Variants in TTC39C observed in about 807,000 individuals in gnomAD.
TTC39C encodes the protein tetratricopeptide repeat domain 39C, also known as tetratricopeptide repeat protein 39C.
TTC39C carries 33 observed loss-of-function variants against 76.3 expected under a neutral mutation model. The observed-to-expected ratio is 0.43, with a 90% CI of 0.33 to 0.58. TTC39C has a LOEUF of 0.58. TTC39C is among the 20% of genes least tolerant of loss of function. TTC39C has a pLI of 0.04. For synonymous variants in TTC39C, 254 were observed against 260.6 expected (o/e 0.97, Z 0.24); for missense variants, 595 against 701.4 (o/e 0.85, Z 1.71).
At chr18:24,066,236 A>G in intron 3 of TTC39C, 96 bp downstream of exon 3, 1 of 1,446,356 alleles carries the variant, frequency 6.9e-7, no homozygotes. Flanking sequence ...TGGTTTTAGT[A>G]TTTAGAATAT....
chr18:23,999,561 G>T (rs1599220509), intron 1 of TTC39C, among the ~76,000 whole-genome samples: 2 of 152,188 alleles, frequency 1.3e-5, no homozygotes, highest in African/African-American at 2.4e-5. Flanking sequence ...TAGCCAGGGG[G>T]CAAGAAGCTT....
chr18:24,062,158 C>T (rs936432173), intron 1 of TTC39C, among the ~76,000 whole-genome samples: 2 of 152,180 alleles, frequency 1.3e-5, no homozygotes, highest in South Asian at 4.1e-4. Flanking sequence ...GGTTAGGTAC[C>T]ATGAATAATT....
chr18:24,128,099 T>A (rs1300438001), intron 10 of TTC39C, among the ~76,000 whole-genome samples: 1 of 152,158 alleles, frequency 6.6e-6, no homozygotes, highest in Non-Finnish European at 1.5e-5. Flanking sequence ...AGAAGGAATT[T>A]TTTGTTTGTT....
intron 1 of TTC39C, among the ~76,000 whole-genome samples, chr18:24,034,359 C>G (rs1337144161): frequency 6.6e-6 from 1 of 152,180 alleles, no homozygotes; most frequent in Non-Finnish European, 1.5e-5. Context: ...AAGGAAATCC[C>G]TTTAATGCTC....
intron 6 of TTC39C, among the ~76,000 whole-genome samples, chr18:24,106,916 C>G (rs2084751102): frequency 6.6e-6 from 1 of 152,168 alleles, no homozygotes; most frequent in Non-Finnish European, 1.5e-5. Context: ...AACTCCTGAC[C>G]TCAAGTGATC....
At position 24,066,148 on chromosome 18, in the gene TTC39C, T is replaced by G; in HGVS notation, c.345+8T>G. ...AATAAAATTAAGAAGAACGTAAGTA[T>G]TGCGGCTTTAGGTTGTGGACTGTGT... On this transcript the variant is annotated splice_region_variant and intron_variant, in intron 3 of 13. Coordinates refer to ENST00000317571, the MANE Select transcript of TTC39C (RefSeq NM_001135993.2). 6.3e-7 allele frequency: 1 copy of G among 1,595,102 alleles called. No individual in the cohort carries two copies. The highest frequency in any genetic ancestry group is 1.2e-5 in the South Asian group (1 of 86,522).
chr18:24,116,828 T>TG (rs1180738036), intron 7 of TTC39C, among the ~76,000 whole-genome samples: 44 of 145,992 alleles, frequency 3.0e-4, no homozygotes, highest in Admixed American at 2.4e-3. Flanking sequence ...AGTTTTTTTT[T>TG]TTTTTTTTTT....
At chr18:24,061,397 A>G (rs1214908755) in intron 1 of TTC39C, among the ~76,000 whole-genome samples, 2 of 151,936 alleles carry the variant, frequency 1.3e-5, no homozygotes, top group Admixed American at 6.6e-5. Flanking sequence ...GGTTCCAAAT[A>G]TGAGGAGTAA....
intron 6 of TTC39C, among the ~76,000 whole-genome samples, chr18:24,102,341 A>G (rs2084687300): frequency 6.6e-6 from 1 of 152,202 alleles, no homozygotes. Flanking sequence ...ATTCACGTGG[A>G]GATGCTGAAA....
chr18:24,019,894 C>T, intron 1 of TTC39C: 1 of 1,526,968 alleles, frequency 6.5e-7, no homozygotes, highest in African/African-American at 1.4e-5. Context: ...AACCTCAGCG[C>T]TTCCTGGAGA....
At chr18:23,994,837 C>CA (rs576366333) in intron 1 of TTC39C, among the ~76,000 whole-genome samples, 13 of 152,246 alleles carry the variant, frequency 8.5e-5, no homozygotes, top group African/African-American at 3.1e-4. Context: ...GCGTGAACTC[C>CA]ACCCTCAGAG....
intron 5 of TTC39C, 45 bp downstream of exon 5, chr18:24,080,984 AAAGT>A (rs748600101): frequency 5.3e-6 from 8 of 1,501,624 alleles, no homozygotes; most frequent in Non-Finnish European, 7.2e-6. Flanking sequence ...TATAGTGTTG[AAAGT>A]AAGTAAACGA....
At chr18:24,089,597 C>T (rs1568433454) in intron 6 of TTC39C, among the ~76,000 whole-genome samples, 1 of 152,004 alleles carries the variant, frequency 6.6e-6, no homozygotes, top group African/African-American at 2.4e-5. Context: ...TGTTAGTAAC[C>T]CCACTACACT....
At chr18:24,070,156 G>A (rs1028716457) in intron 4 of TTC39C, among the ~76,000 whole-genome samples, 51 of 151,948 alleles carry the variant, frequency 3.4e-4, no homozygotes, top group Admixed American at 2.0e-4. Flanking sequence ...TCGTACGAAC[G>A]ATGCTTGGCT....
At chr18:24,082,510 A>G (rs1443023956) in intron 5 of TTC39C, among the ~76,000 whole-genome samples, 1 of 152,220 alleles carries the variant, frequency 6.6e-6, no homozygotes, top group African/African-American at 2.4e-5. Flanking sequence ...TTTGCCAAAA[A>G]TAAATAAATA....
intron 1 of TTC39C, chr18:24,016,567 C>CT: frequency 2.5e-6 from 1 of 397,014 alleles, no homozygotes. Context: ...TTTTAATGGT[C>CT]TTTTTTAACC....
intron 6 of TTC39C, among the ~76,000 whole-genome samples, chr18:24,097,527 G>A (rs1013215440): frequency 1.3e-5 from 2 of 152,118 alleles, no homozygotes; most frequent in African/African-American, 4.8e-5. Flanking sequence ...CATCTTTTTT[G>A]GTCAGAATGG....
At chr18:24,019,785 A>G in intron 1 of TTC39C, 1 of 1,211,502 alleles carries the variant, frequency 8.3e-7, no homozygotes, top group African/African-American at 1.6e-5. Context: ...TGTGCACTAC[A>G]CCTGCAGAAA....
intron 6 of TTC39C, among the ~76,000 whole-genome samples, chr18:24,099,572 A>G (rs2084651870): frequency 6.6e-6 from 1 of 152,030 alleles, no homozygotes; most frequent in Non-Finnish European, 1.5e-5. Context: ...AAATGTGAAT[A>G]TAAATATTTC....
Sources: allele counts gnomAD v4.1 joint callset (sites outside exome capture counted in the v4.1 genomes callset), GRCh38; gene constraint gnomAD v4.1.1; transcripts MANE v1.5; gene names NCBI Gene and HGNC (gene_info 2026-07-23, HGNC 2026-07-21).